CS: variants seen among roughly 807,000 people sequenced by gnomAD.
CS encodes the protein citrate synthase, also known as citrate synthase, mitochondrial.
Under a neutral mutation model 61.4 loss-of-function variants are expected in CS, and 13 were observed. The ratio of observed to expected loss-of-function variants is 0.21; its 90% CI spans 0.14 to 0.34. The LOEUF is 0.34. CS is among the 10% of genes least tolerant of loss of function. The pLI is 1.00. For synonymous variants in CS, 159 were observed against 215.2 expected (o/e 0.74, Z 2.29); for missense variants, 278 against 573.4 (o/e 0.48, Z 5.26).
chr12:56,293,263 C>G (rs1453748984), intron 1 of CS, among the ~76,000 whole-genome samples: 1 of 152,214 alleles, frequency 6.6e-6, no homozygotes, highest in African/African-American at 2.4e-5. Context: ...TACATCCAGA[C>G]TCTCTCTGTC....
At position 56,273,222 on chromosome 12, in the gene CS, C is replaced by T. The variant is rs28634139; in HGVS notation, c.1263G>A (p.Thr421=). 1.8e-5 allele frequency: 29 copies of T among 1,613,952 alleles called. No homozygotes were observed. The highest frequency in any genetic ancestry group is 1.3e-4 in the East Asian group (6 of 44,886). ...YYGMTEMNYY[T]VLFGVSRALG... The stretch of plus-strand genomic sequence containing the variant: ...ATGCTCGTGACACCCCAAACAGGAC[C>T]GTGTAGTAATTCATCTCCGTCATGC... The change falls in exon 11 of 11, where the codon ACG becomes ACA. Residue 421 remains threonine (T), a synonymous_variant. Coordinates refer to ENST00000351328, the MANE Select transcript of CS (RefSeq NM_004077.3).
intron 1 of CS, 109 bp downstream of exon 1, chr12:56,300,050 TA>T: frequency 1.8e-6 from 2 of 1,119,506 alleles, no homozygotes; most frequent in Middle Eastern, 2.9e-4. Context: ...CAGGGCCCTT[TA>T]AGGCGCGCAG....
Position 56,299,149 on chromosome 12 carries a change from C to T in CS, c.42+1011G>A, listed in dbSNP as rs973715290. On this transcript the variant is annotated intron_variant, in intron 1 of 10. Transcript: ENST00000351328. ...TCCGCAGGAAAAACTAAGTTCTTTG[C>T]AGAAGTCAAGGTCACTTGTGGGACT... is the stretch of plus-strand genomic sequence containing the variant. Among the ~76,000 whole-genome samples the T allele has an allele frequency of 3.9e-5, 6 of 152,156 alleles. No homozygotes were observed. In the South Asian group the frequency reaches 1.0e-3, roughly 26 times the overall value.
At chr12:56,278,598 G>T (rs963717340) in intron 6 of CS, among the ~76,000 whole-genome samples, 1 of 151,944 alleles carries the variant, frequency 6.6e-6, no homozygotes, top group African/African-American at 2.4e-5. Context: ...TTAGATGGGC[G>T]TGGTGGCTTG....
chr12:56,299,915 G>C (rs1873427516), intron 1 of CS: 1 of 454,040 alleles, frequency 2.2e-6, no homozygotes, highest in Non-Finnish European at 3.9e-6. Flanking sequence ...CAGCAGGGTC[G>C]GCCTCCTCAC....
intron 6 of CS, among the ~76,000 whole-genome samples, chr12:56,280,264 A>T (rs1453722252): frequency 2.0e-5 from 3 of 151,636 alleles, no homozygotes; most frequent in African/African-American, 7.3e-5. Context: ...AAATACAAAA[A>T]GTTAGCTGGG....
rs1872745587 is a variant in CS, at chr12:56,280,428, A to AAAAAAAC, written c.588+1991_588+1992insGTTTTTT. ...AGACACCGTCTCCCAAAAAAAACAA[A>AAAAAAAC]AAAAAAAAACAAAAAAATTAGCCAG... On this transcript the variant is annotated intron_variant, in intron 6 of 10. Coordinates refer to ENST00000351328, the MANE Select transcript of CS (RefSeq NM_004077.3). Among the ~76,000 whole-genome samples, 4 of 144,708 alleles carry AAAAAAAC rather than the reference A, an allele frequency of 2.8e-5. 1 individual carries two copies. Among genetic ancestry groups the AAAAAAAC allele is most frequent in the Non-Finnish European group, 6.1e-5 (4 of 65,578 alleles). 94.9% of individuals were successfully genotyped at this position (144,708 alleles called of 152,430 possible).
At position 56,282,608 on chromosome 12, in the gene CS, C is replaced by G; in HGVS notation, c.400G>C (p.Val134Leu). 1 of 1,600,262 alleles carries G rather than the reference C, an allele frequency of 6.2e-7. No homozygotes were observed. The highest frequency in any genetic ancestry group is 8.5e-7 in the Non-Finnish European group (1 of 1,173,918). ...VTGHIPTEEQ[V>L]SWLSKEWAKR... The stretch of plus-strand genomic sequence containing the variant: ...GCCCACTCTTTTGAGAGCCAAGATA[C>G]CTGTGGAAAAAGAGACAGTGCTCAG... Residue 134 changes from valine (V) to leucine (L), a missense_variant and splice_region_variant, in exon 6 of 11, where the codon GTA becomes CTA. Physicochemically the swap from Val to Leu is conservative, Grantham distance 32. Transcript: ENST00000351328.
chr12:56,282,358 C>G (rs1872799590), intron 6 of CS, 62 bp downstream of exon 6: 1 of 1,323,108 alleles, frequency 7.6e-7, no homozygotes, highest in Admixed American at 2.6e-5. Flanking sequence ...TTTTTCCCTC[C>G]CTTCACACTC....
Position 56,273,035 on chromosome 12 carries a change from A to C in CS, c.*49T>G. ...CCCCTGAAACAAAAGTATACTTTTT[A>C]TTTAGGCTTCCTCACTTTCTGGTAG... On this transcript the variant is annotated 3_prime_UTR_variant, in exon 11 of 11. Transcript: ENST00000351328. The C allele has an allele frequency of 1.4e-6, 2 of 1,478,644 alleles. No individual in the cohort carries two copies. Among genetic ancestry groups the C allele is most frequent in the Non-Finnish European group, 1.8e-6 (2 of 1,090,596 alleles). 91.6% of individuals were successfully genotyped at this position (1,478,644 alleles called of 1,614,324 possible). A position where few individuals can be genotyped will look rare whatever the true frequency, so the allele number is the denominator to read the frequency against.
intron 6 of CS, among the ~76,000 whole-genome samples, chr12:56,278,194 G>A (rs996950738): frequency 2.0e-5 from 3 of 152,062 alleles, no homozygotes; most frequent in Non-Finnish European, 2.9e-5. Context: ...GCAATGGTGC[G>A]ATCTCAGCTC....
At chr12:56,280,629 AAAAAAT>A (rs1245712090) in intron 6 of CS, among the ~76,000 whole-genome samples, 1 of 151,768 alleles carries the variant, frequency 6.6e-6, no homozygotes, top group Non-Finnish European at 1.5e-5. Context: ...CCTATTTCTA[AAAAAAT>A]AAAAATAAAA....
intron 1 of CS, among the ~76,000 whole-genome samples, chr12:56,296,960 G>A (rs1873326161): frequency 6.6e-6 from 1 of 152,076 alleles, no homozygotes; most frequent in South Asian, 2.1e-4. Context: ...AAACCAACTC[G>A]GTTTTGTTGA....
chr12:56,296,464 A>G (rs982657840), intron 1 of CS, among the ~76,000 whole-genome samples: 1 of 152,174 alleles, frequency 6.6e-6, no homozygotes, highest in African/African-American at 2.4e-5. Flanking sequence ...CAGAGAACTA[A>G]GGAACTTGTG....
At chr12:56,273,948 T>G in intron 9 of CS, 152 bp from the exon 10 acceptor site, 1 of 648,558 alleles carries the variant, frequency 1.5e-6, no homozygotes, top group Non-Finnish European at 2.7e-6. Context: ...ATTCTCCCAC[T>G]TCAGCCTCCA....
chr12:56,276,187 A>C lies in CS; in HGVS notation c.597T>G (p.Tyr199Ter). The change falls in exon 7 of 11, where the codon TAT becomes TAG. Residue 199 changes from tyrosine to a stop codon, truncating the protein, a stop_gained. Coordinates refer to ENST00000351328, the MANE Select transcript of CS (RefSeq NM_004077.3). LOFTEE classifies it high-confidence loss of function. ...TTGCGATTAGATCCATAGAGTCTTC[A>C]TAAATCAACTGACAGAAGAGGAGCA... Reference protein sequence around the residue: ...ISRTKYWELIYEDSMDLIAKL... With the variant: ...ISRTKYWELI 1 of 1,614,196 alleles carries C rather than the reference A, an allele frequency of 6.2e-7. No individual in the cohort carries two copies. The highest frequency in any genetic ancestry group is 8.5e-7 in the Non-Finnish European group (1 of 1,180,014).
chr12:56,295,951 C>CAAAAAAAAAAAAAAAAAAA (rs71081343), intron 1 of CS, among the ~76,000 whole-genome samples: 2 of 40,480 alleles, frequency 4.9e-5, no homozygotes, highest in Non-Finnish European at 7.7e-5. Flanking sequence ...GAAACTGTCT[C>CAAAAAAAAAAAAAAAAAAA]AAAAAAAAAA....
At chr12:56,286,545 C>G in intron 2 of CS, 50 bp downstream of exon 2, 1 of 1,576,946 alleles carries the variant, frequency 6.3e-7, no homozygotes, top group South Asian at 1.1e-5. Flanking sequence ...GCCCCAAGGT[C>G]AGGCTGGCCG....
chr12:56,283,896 T>G, intron 3 of CS, 39 bp from the exon 4 acceptor site: 1 of 1,465,604 alleles, frequency 6.8e-7, no homozygotes, highest in Non-Finnish European at 9.5e-7. Flanking sequence ...AAAAAGAGGC[T>G]GTGGCCAGTA....
Sources: allele counts gnomAD v4.1 joint callset (sites outside exome capture counted in the v4.1 genomes callset), GRCh38; gene constraint gnomAD v4.1.1; transcripts MANE v1.5; gene names NCBI Gene and HGNC (gene_info 2026-07-23, HGNC 2026-07-21).